The following ADK variants were observed in gnomAD, a reference collection of about 807,000 sequenced individuals.
ADK encodes the protein adenosine kinase.
In ADK, 24 loss-of-function variants were observed where a neutral mutation model predicts 44.7. The observed-to-expected ratio is 0.54, with a 90% CI of 0.39 to 0.76. The LOEUF is 0.76. ADK is among the 30% of genes least tolerant of loss of function. The pLI, the probability that ADK is intolerant of heterozygous loss-of-function variation, is 0.00. For synonymous variants in ADK, 128 were observed against 142.6 expected (o/e 0.90, Z 0.73); for missense variants, 321 against 425.1 (o/e 0.76, Z 2.15).
At chr10:74,425,122 A>G (rs1844745769) in intron 6 of ADK, among the ~76,000 whole-genome samples, 1 of 152,178 alleles carries the variant, frequency 6.6e-6, no homozygotes, top group South Asian at 2.1e-4. Flanking sequence ...GAGTATTTAC[A>G]TTTGAATCTG....
chr10:74,416,067 T>C (rs977096169), intron 6 of ADK, among the ~76,000 whole-genome samples: 22 of 148,536 alleles, frequency 1.5e-4, no homozygotes, highest in Admixed American at 7.4e-4. Context: ...CACACACACA[T>C]ATATGTAATG....
chr10:74,377,894 T>C (rs1842862507), intron 4 of ADK, among the ~76,000 whole-genome samples: 1 of 152,184 alleles, frequency 6.6e-6, no homozygotes, highest in Admixed American at 6.6e-5. Context: ...GTTCAGTAGG[T>C]TGGGGCACTT....
intron 6 of ADK, among the ~76,000 whole-genome samples, chr10:74,451,996 C>T (rs1845797597): frequency 6.6e-6 from 1 of 151,090 alleles, no homozygotes; most frequent in African/African-American, 2.4e-5. Context: ...GTTGTGTTTG[C>T]TCATGTTAGA....
chr10:74,224,611 G>T lies in ADK; in HGVS notation c.194+20G>T. 1 of 1,601,762 alleles carries T rather than the reference G, an allele frequency of 6.2e-7. No homozygotes were observed. Among genetic ancestry groups the T allele is most frequent in the Non-Finnish European group, 8.6e-7 (1 of 1,169,124 alleles). Reference sequence around the variant, plus strand: ...GGAACTGTAAGTGCATTAAACCATTGGTTGTAAATAGTTTACTCTGTCTAT... The same window carrying T: ...GGAACTGTAAGTGCATTAAACCATTTGTTGTAAATAGTTTACTCTGTCTAT... On this transcript the variant is annotated intron_variant, in intron 3 of 10. Transcript: ENST00000539909.
chr10:74,483,537 C>A (rs1366483640), intron 6 of ADK, among the ~76,000 whole-genome samples: 2 of 152,176 alleles, frequency 1.3e-5, no homozygotes, highest in African/African-American at 4.8e-5. Flanking sequence ...CAGAAAATTT[C>A]TCTTTTCTAC....
intron 10 of ADK, among the ~76,000 whole-genome samples, chr10:74,702,376 G>T (rs1489647706): frequency 2.0e-5 from 3 of 151,720 alleles, no homozygotes; most frequent in Admixed American, 2.0e-4. Context: ...TAGAGACAGG[G>T]TTTCATCATA....
At chr10:74,397,687 A>G (rs966045156) in intron 5 of ADK, among the ~76,000 whole-genome samples, 1 of 151,950 alleles carries the variant, frequency 6.6e-6, no homozygotes, top group African/African-American at 2.4e-5. Context: ...ATAAGTGTGC[A>G]CCACTACCCC....
At chr10:74,320,904 T>G (rs1015351220) in intron 4 of ADK, among the ~76,000 whole-genome samples, 1 of 152,230 alleles carries the variant, frequency 6.6e-6, no homozygotes, top group Admixed American at 6.5e-5. Flanking sequence ...TATGCATCAC[T>G]TTAAATACAG....
At chr10:74,416,029 TATATACACACACAC>T (rs975452560) in intron 6 of ADK, among the ~76,000 whole-genome samples, 1 of 86,624 alleles carries the variant, frequency 1.2e-5, no homozygotes, top group African/African-American at 3.8e-5. Flanking sequence ...CACACATACA[TATATACACACACAC>T]ACACACACAC....
intron 6 of ADK, among the ~76,000 whole-genome samples, chr10:74,505,002 A>G (rs548150848): frequency 2.4e-4 from 37 of 152,136 alleles, no homozygotes; most frequent in African/African-American, 8.7e-4. Context: ...ATCATCATAA[A>G]CATCTTCATC....
intron 9 of ADK, among the ~76,000 whole-genome samples, chr10:74,623,603 T>A (rs1187073278): frequency 6.6e-6 from 1 of 152,038 alleles, no homozygotes; most frequent in East Asian, 1.9e-4. Context: ...GTGCATATCT[T>A]GTAAATGCAT....
chr10:74,312,142 G>A (rs1271695081), intron 3 of ADK, among the ~76,000 whole-genome samples: 1 of 152,112 alleles, frequency 6.6e-6, no homozygotes, highest in Non-Finnish European at 1.5e-5. Context: ...CTCCAGCCTG[G>A]CAACAGAGCG....
At chr10:74,655,661 A>G in intron 9 of ADK, 3 of 446,412 alleles carry the variant, frequency 6.7e-6, no homozygotes, top group Non-Finnish European at 8.9e-6. Context: ...AGCCAGGAAG[A>G]CCCCCGGGCC....
At chr10:74,549,742 G>A (rs142771886) in intron 7 of ADK, among the ~76,000 whole-genome samples, 17 of 152,220 alleles carry the variant, frequency 1.1e-4, no homozygotes, top group African/African-American at 2.9e-4. Flanking sequence ...GGCCTAGATC[G>A]TAAATTCTTT....
intron 3 of ADK, among the ~76,000 whole-genome samples, chr10:74,276,263 A>G (rs144456944): frequency 6.6e-6 from 1 of 152,222 alleles, no homozygotes; most frequent in East Asian, 1.9e-4. Context: ...CTGTTTGAAG[A>G]CAGAGCACCT....
In ADK at chr10:74,648,785, G is replaced by A. The variant is rs1304302441; in HGVS notation, c.878-21398G>A. The stretch of plus-strand genomic sequence containing the variant: ...TAAAGAGGGAAACAGAGCTGTATAA[G>A]AGCAAGGTTTTTTATACTGTCCAGG... On this transcript the variant is annotated intron_variant, in intron 9 of 10. Coordinates refer to ENST00000539909, the MANE Select transcript of ADK (RefSeq NM_006721.4). Among the ~76,000 whole-genome samples, 3 of 152,164 alleles carry A rather than the reference G, an allele frequency of 2.0e-5. No homozygotes were observed. The East Asian group carries it at 5.8e-4, about 29-fold the overall frequency.
chr10:74,390,432 T>C (rs1352441182), intron 4 of ADK, among the ~76,000 whole-genome samples: 1 of 152,156 alleles, frequency 6.6e-6, no homozygotes, highest in Admixed American at 6.5e-5. Context: ...TTTTCTAACT[T>C]ACAGAATAGT....
intron 7 of ADK, among the ~76,000 whole-genome samples, chr10:74,555,293 A>G (rs987809896): frequency 9.2e-5 from 14 of 152,198 alleles, no homozygotes; most frequent in African/African-American, 3.4e-4. Context: ...AACTTATGTT[A>G]AGGGCTGGTC....
chr10:74,220,719 G>A (rs1457737275), intron 2 of ADK, among the ~76,000 whole-genome samples: 5 of 152,166 alleles, frequency 3.3e-5, no homozygotes, highest in Non-Finnish European at 4.4e-5. Flanking sequence ...TTCAACATAC[G>A]CAAATCAATA....
Sources: gnomAD v4.1 joint callset for allele counts (sites outside exome capture counted in the v4.1 genomes callset) on GRCh38, gnomAD v4.1.1 for gene constraint, MANE v1.5 for transcripts, NCBI Gene and HGNC (gene_info 2026-07-23, HGNC 2026-07-21) for gene names.